The following PDE4D variants were observed in gnomAD, a reference collection of about 807,000 sequenced individuals.
The protein encoded by PDE4D is 3',5'-cyclic-AMP phosphodiesterase 4D.
Under a neutral mutation model 87.4 loss-of-function variants are expected in PDE4D, and 24 were observed. That is an observed-to-expected ratio of 0.27 (90% CI 0.20 to 0.39). PDE4D has a LOEUF of 0.39. Among genes scored for constraint, PDE4D ranks in the 10% least tolerant of loss-of-function variants. PDE4D has a pLI of 1.00. For synonymous variants in PDE4D, 384 were observed against 383.2 expected (o/e 1.00, Z -0.02); for missense variants, 714 against 1,041.0 (o/e 0.69, Z 4.32).
At chr5:59,375,427 A>G (rs1784548664) in intron 1 of PDE4D, among the ~76,000 whole-genome samples, 1 of 152,216 alleles carries the variant, frequency 6.6e-6, no homozygotes, top group African/African-American at 2.4e-5. Flanking sequence ...CACATAAACT[A>G]GAAAAACTAG....
chr5:59,626,796 T>G (rs1830952503), intron 1 of PDE4D, among the ~76,000 whole-genome samples: 1 of 152,184 alleles, frequency 6.6e-6, no homozygotes, highest in Non-Finnish European at 1.5e-5. Flanking sequence ...TGAGCTAAAA[T>G]ACTAAAATGC....
Position 59,354,158 on chromosome 5 carries a change from T to C in PDE4D, c.456-138190A>G, listed in dbSNP as rs77185445. 3.9e-5 allele frequency among the ~76,000 whole-genome samples: 6 copies of C among 152,184 alleles called. No homozygotes were observed. In the East Asian group the frequency reaches 1.2e-3, roughly 29 times the overall value. ...ACTACAATAGGCACATTTGAAGATT[T>C]TACAAGATAAAAAATATTGCTCATA... On this transcript the variant is annotated intron_variant, in intron 1 of 14. Transcript: ENST00000340635.
chr5:59,853,648 T>C (rs1745000280), intron 1 of PDE4D, among the ~76,000 whole-genome samples: 1 of 152,030 alleles, frequency 6.6e-6, no homozygotes, highest in African/African-American at 2.4e-5. Context: ...CTTTAAACTA[T>C]AAATGTATGC....
At chr5:59,860,292 A>G (rs953358842) in intron 1 of PDE4D, among the ~76,000 whole-genome samples, 1 of 152,154 alleles carries the variant, frequency 6.6e-6, no homozygotes, top group Non-Finnish European at 1.5e-5. Context: ...ACACTGAAAT[A>G]AGTCACTTGT....
intron 1 of PDE4D, among the ~76,000 whole-genome samples, chr5:59,843,976 T>C (rs1236130362): frequency 2.6e-5 from 4 of 152,132 alleles, no homozygotes; most frequent in African/African-American, 9.6e-5. Flanking sequence ...TCTTGCTCAA[T>C]GTTTAGTGAT....
chr5:59,460,867 G>A (rs1800671872), intron 1 of PDE4D, among the ~76,000 whole-genome samples: 2 of 152,140 alleles, frequency 1.3e-5, no homozygotes, highest in Admixed American at 6.6e-5. Context: ...CAGGGTCGGG[G>A]TGGTACAAGT....
At chr5:59,272,564 A>G (rs1764024946) in intron 1 of PDE4D, among the ~76,000 whole-genome samples, 1 of 152,104 alleles carries the variant, frequency 6.6e-6, no homozygotes, top group East Asian at 1.9e-4. Flanking sequence ...AATAAATACT[A>G]TAATCACTTT....
chr5:59,848,487 C>A (rs1744197840), intron 1 of PDE4D, among the ~76,000 whole-genome samples: 2 of 151,886 alleles, frequency 1.3e-5, no homozygotes. Context: ...TTTGCAGCCA[C>A]TAAAAATGAT....
At chr5:59,482,659 A>G (rs1804470972) in intron 1 of PDE4D, among the ~76,000 whole-genome samples, 1 of 152,136 alleles carries the variant, frequency 6.6e-6, no homozygotes, top group African/African-American at 2.4e-5. Flanking sequence ...TATTTTTAGA[A>G]TGGTGTACAC....
upstream of PDE4D, chr5:60,489,785 TA>T (rs1749426503): frequency 2.0e-5 from 3 of 152,192 alleles, no homozygotes; most frequent in Non-Finnish European, 4.4e-5. Context: ...ACAAGCCCTT[TA>T]TTGAATTTTC....
intron 5 of PDE4D, among the ~76,000 whole-genome samples, chr5:59,061,586 G>T (rs925175103): frequency 3.3e-5 from 5 of 151,986 alleles, no homozygotes; most frequent in Non-Finnish European, 7.4e-5. Context: ...GTTACCAGGG[G>T]ACCCAATTTT....
chr5:59,390,502 C>T (rs763463386), intron 1 of PDE4D, among the ~76,000 whole-genome samples: 1 of 151,966 alleles, frequency 6.6e-6, no homozygotes, highest in Non-Finnish European at 1.5e-5. Flanking sequence ...CAGCTTTGCA[C>T]AGTGGATTTA....
chr5:60,223,744 A>G (rs931822448), intron 1 of PDE4D, among the ~76,000 whole-genome samples: 8 of 152,098 alleles, frequency 5.3e-5, no homozygotes, highest in Non-Finnish European at 1.0e-4. Flanking sequence ...TTTAATTACT[A>G]TGGTAGATAT....
chr5:59,179,169 C>T (rs577409738), intron 5 of PDE4D, among the ~76,000 whole-genome samples: 5 of 152,134 alleles, frequency 3.3e-5, no homozygotes, highest in African/African-American at 1.2e-4. Context: ...TGCAGTGGCG[C>T]GATCTCGGCT....
chr5:60,142,594 G>A (rs1780633311), intron 2 of PDE4D, among the ~76,000 whole-genome samples: 1 of 152,178 alleles, frequency 6.6e-6, no homozygotes, highest in South Asian at 2.1e-4. Flanking sequence ...GGTTCTGACA[G>A]CAGAAAGAAC....
intron 6 of PDE4D, among the ~76,000 whole-genome samples, chr5:59,011,658 A>G (rs1752838790): frequency 6.6e-6 from 1 of 152,236 alleles, no homozygotes; most frequent in Non-Finnish European, 1.5e-5. Flanking sequence ...GACTATGTGA[A>G]AAGACCAAAT....
intron 1 of PDE4D, among the ~76,000 whole-genome samples, chr5:60,252,217 G>T (rs1175721470): frequency 6.6e-6 from 1 of 151,892 alleles, no homozygotes; most frequent in Admixed American, 6.6e-5. Flanking sequence ...AGTGATGCAT[G>T]ACTGTATTTA....
chr5:59,811,451 A>C (rs1023095839), intron 1 of PDE4D, among the ~76,000 whole-genome samples: 2 of 152,320 alleles, frequency 1.3e-5, no homozygotes, highest in East Asian at 3.9e-4. Flanking sequence ...CTCTCAAAGA[A>C]TGCTCTCCCA....
chr5:60,490,331 A>G (rs1243666353), upstream of PDE4D: 1 of 152,210 alleles, frequency 6.6e-6, no homozygotes, highest in African/African-American at 2.4e-5. Context: ...TGGAGCTGTC[A>G]CATAGCAGGG....
Sources: allele counts gnomAD v4.1 joint callset (sites outside exome capture counted in the v4.1 genomes callset), GRCh38; gene constraint gnomAD v4.1.1; transcripts MANE v1.5; gene names NCBI Gene and HGNC (gene_info 2026-07-23, HGNC 2026-07-21).